VWA8: variants seen among roughly 807,000 people sequenced by gnomAD.
VWA8 encodes the protein von Willebrand factor A domain-containing protein 8.
A neutral mutation model predicts 241.5 loss-of-function variants in VWA8; 221 were observed. That is an observed-to-expected ratio of 0.91 (90% CI 0.82 to 1.02). VWA8 has a LOEUF of 1.02. VWA8 is among the 50% of genes least tolerant of loss of function. VWA8 has a pLI of 0.00. For missense variants in VWA8, 2,322 were observed against 2,328.7 expected (o/e 1.00, Z 0.06); for synonymous variants, 852 against 827.1 (o/e 1.03, Z -0.52).
At chr13:41,957,521 G>A (rs201581790) in intron 1 of VWA8, among the ~76,000 whole-genome samples, 2 of 152,212 alleles carry the variant, frequency 1.3e-5, no homozygotes, top group African/African-American at 4.8e-5. Flanking sequence ...CAGGAGAATC[G>A]CTTGAACCCA....
intron 40 of VWA8, among the ~76,000 whole-genome samples, chr13:41,599,735 C>T (rs1014221705): frequency 2.6e-5 from 4 of 152,146 alleles, no homozygotes; most frequent in Admixed American, 1.3e-4. Flanking sequence ...AACTTCATCA[C>T]CACATCATTT....
At chr13:41,726,647 G>C (rs765518838) in intron 24 of VWA8, among the ~76,000 whole-genome samples, 7 of 152,126 alleles carry the variant, frequency 4.6e-5, no homozygotes, top group Non-Finnish European at 1.0e-4. Flanking sequence ...GGATCAGATA[G>C]ACTTAGATAT....
intron 12 of VWA8, among the ~76,000 whole-genome samples, chr13:41,837,035 T>TGATAGACA (rs1555341517): frequency 1.3e-5 from 2 of 148,578 alleles, no homozygotes; most frequent in Admixed American, 1.4e-4. Flanking sequence ...TGCAGATAGA[T>TGATAGACA]GATAGATAGA....
intron 37 of VWA8, among the ~76,000 whole-genome samples, chr13:41,660,366 T>G (rs2044940805): frequency 6.6e-6 from 1 of 152,162 alleles, no homozygotes; most frequent in African/African-American, 2.4e-5. Flanking sequence ...TCCACCTGCC[T>G]CACCCTCCCA....
intron 37 of VWA8, among the ~76,000 whole-genome samples, chr13:41,653,434 T>A (rs1302472305): frequency 2.0e-5 from 3 of 152,182 alleles, no homozygotes; most frequent in African/African-American, 7.2e-5. Context: ...AGAAAAACAT[T>A]CTATGCTCAT....
rs767301845 is a variant in VWA8, at chr13:41,816,827, G to C, written c.1870-52C>G. ...ACAGAAGGAATAAATCGGGATATCTGATCAATCAATCAGAAATTATGACTA... is the reference window on the plus strand; with the variant it reads ...ACAGAAGGAATAAATCGGGATATCTCATCAATCAATCAGAAATTATGACTA... On this transcript the variant is annotated intron_variant, in intron 15 of 44. Coordinates refer to ENST00000379310, the MANE Select transcript of VWA8 (RefSeq NM_015058.2). 3 of 1,346,596 alleles carry C rather than the reference G, an allele frequency of 2.2e-6. No homozygotes were observed. The African/African-American group carries it at 4.4e-5, about 20-fold the overall frequency. The allele number at this position is 1,346,596 out of a possible 1,614,324, so 83.4% of individuals were successfully genotyped here.
chr13:41,911,204 C>T (rs369348016), intron 3 of VWA8, among the ~76,000 whole-genome samples: 1 of 151,960 alleles, frequency 6.6e-6, no homozygotes, highest in Non-Finnish European at 1.5e-5. Context: ...GCTGGGATCA[C>T]AGGCGCCTAG....
chr13:41,642,120 G>C (rs1367977389), intron 37 of VWA8, among the ~76,000 whole-genome samples: 3 of 152,186 alleles, frequency 2.0e-5, no homozygotes, highest in Non-Finnish European at 4.4e-5. Context: ...TCTTGGAGGA[G>C]TTAATTATAC....
chr13:41,709,484 C>T (rs1411080181), intron 26 of VWA8, among the ~76,000 whole-genome samples: 1 of 152,188 alleles, frequency 6.6e-6, no homozygotes, highest in East Asian at 1.9e-4. Flanking sequence ...CCATGTTGTT[C>T]TCTGATTGAA....
chr13:41,829,635 C>T (rs775468659), intron 14 of VWA8, among the ~76,000 whole-genome samples: 2 of 151,740 alleles, frequency 1.3e-5, no homozygotes, highest in African/African-American at 2.4e-5. Context: ...TCTTTTGCAG[C>T]AACTTGGATG....
intron 3 of VWA8, among the ~76,000 whole-genome samples, chr13:41,908,353 C>A (rs534426182): frequency 2.0e-5 from 3 of 152,184 alleles, no homozygotes; most frequent in Non-Finnish European, 4.4e-5. Flanking sequence ...GTAGTCCCTG[C>A]TACTCGGGAG....
At chr13:41,837,267 C>T (rs1462446908) in intron 12 of VWA8, among the ~76,000 whole-genome samples, 2 of 152,110 alleles carry the variant, frequency 1.3e-5, no homozygotes, top group Non-Finnish European at 2.9e-5. Flanking sequence ...GAAAGAAAAG[C>T]ACTCCCTTTA....
chr13:41,622,778 G>C (rs1593656446), intron 37 of VWA8, among the ~76,000 whole-genome samples: 1 of 152,244 alleles, frequency 6.6e-6, no homozygotes, highest in South Asian at 2.1e-4. Context: ...TATATTTTAG[G>C]CTCCTCCTTG....
At chr13:41,736,497 TA>T in intron 21 of VWA8, among the ~76,000 whole-genome samples, 1 of 152,136 alleles carries the variant, frequency 6.6e-6, no homozygotes, top group East Asian at 1.9e-4. Context: ...ATATTGCTTA[TA>T]AAGGTACATT....
intron 42 of VWA8, among the ~76,000 whole-genome samples, chr13:41,577,719 A>C (rs1449253457): frequency 6.6e-6 from 1 of 152,208 alleles, no homozygotes; most frequent in Non-Finnish European, 1.5e-5. Context: ...AGGATCTTAC[A>C]CATGAGGGAA....
At chr13:41,679,172 G>T (rs2045080725) in intron 35 of VWA8, among the ~76,000 whole-genome samples, 1 of 152,012 alleles carries the variant, frequency 6.6e-6, no homozygotes, top group Non-Finnish European at 1.5e-5. Context: ...TTGTATTTAG[G>T]GATTAGTTCA....
intron 37 of VWA8, among the ~76,000 whole-genome samples, chr13:41,661,214 T>C (rs2044947992): frequency 1.3e-5 from 2 of 152,220 alleles, no homozygotes; most frequent in African/African-American, 4.8e-5. Flanking sequence ...AGGATCTTTC[T>C]TACTGCTTGC....
At chr13:41,957,121 G>A (rs1375157608) in intron 1 of VWA8, among the ~76,000 whole-genome samples, 2 of 152,102 alleles carry the variant, frequency 1.3e-5, no homozygotes, top group Non-Finnish European at 2.9e-5. Flanking sequence ...TGGTTTGCCT[G>A]TGTCCGACCC....
chr13:41,848,150 G>A (rs767494412), intron 12 of VWA8, among the ~76,000 whole-genome samples: 6 of 152,154 alleles, frequency 3.9e-5, no homozygotes, highest in Non-Finnish European at 2.9e-5. Flanking sequence ...TCTTTTGATT[G>A]ACAATGCATC....
Sources: allele counts gnomAD v4.1 joint callset (sites outside exome capture counted in the v4.1 genomes callset), GRCh38; gene constraint gnomAD v4.1.1; transcripts MANE v1.5; gene names NCBI Gene and HGNC (gene_info 2026-07-23, HGNC 2026-07-21).